Variants in FPR2 observed in about 807,000 individuals in gnomAD.
FPR2 encodes formyl peptide receptor 2.
In FPR2, 3 loss-of-function variants were observed where a neutral mutation model predicts 4.0. The observed-to-expected ratio is 0.74, with a 90% CI of 0.34 to 1.92. FPR2 has a LOEUF of 1.92. Ranked by LOEUF, FPR2 falls within the 30% of genes most tolerant of loss-of-function variation. The pLI is 0.07. For synonymous variants in FPR2, 179 were observed against 171.5 expected (o/e 1.04, Z -0.34); for missense variants, 372 against 435.7 (o/e 0.85, Z 1.30).
chr19:51,765,720 T>C (rs1015498829), intron 1 of FPR2, among the ~76,000 whole-genome samples: 2 of 152,186 alleles, frequency 1.3e-5, no homozygotes, highest in Non-Finnish European at 2.9e-5. Flanking sequence ...GAGTTCCCAT[T>C]TGTCATAGAT....
intron 1 of FPR2, among the ~76,000 whole-genome samples, chr19:51,766,254 T>C (rs933356884): frequency 1.6e-4 from 24 of 152,132 alleles, no homozygotes; most frequent in African/African-American, 5.3e-4. Context: ...TGACTCTCAA[T>C]TGGGGGTGAC....
At chr19:51,762,885 T>C (rs939110316) in intron 1 of FPR2, 3 of 152,194 alleles carry the variant, frequency 2.0e-5, no homozygotes, top group African/African-American at 7.2e-5. Flanking sequence ...ATAGAATTAA[T>C]AGGACTTGGA....
intron 1 of FPR2, among the ~76,000 whole-genome samples, chr19:51,767,114 C>T (rs2083872554): frequency 6.6e-6 from 1 of 152,122 alleles, no homozygotes; most frequent in Non-Finnish European, 1.5e-5. Context: ...CCCAGTGTTC[C>T]CCTCTTTGTG....
rs141802714 is a variant in FPR2 at position 51,763,102 on chromosome 19, C to T, written c.-15+1872C>T. 39 of 152,130 alleles carry T rather than the reference C, an allele frequency of 2.6e-4. No individual in the cohort carries two copies. In the East Asian group the frequency reaches 7.0e-3, roughly 27 times the overall value. The allele number at this position is 152,130 out of a possible 1,614,324, so 9.4% of individuals were successfully genotyped here. A position where few individuals can be genotyped will look rare whatever the true frequency, so the allele number is the denominator to read the frequency against. On this transcript the variant is annotated intron_variant, in intron 1 of 1. Coordinates refer to ENST00000340023, the MANE Select transcript of FPR2 (RefSeq NM_001005738.2). ...GAGAGGTTATATCAGACTGGAGCAC[C>T]AGAGAGAGGCCAAGGCTGATAGTTT...
chr19:51,769,629 C>T lies in FPR2; in HGVS notation c.971C>T (p.Ala324Val). The change falls in exon 2 of 2, where the codon GCC becomes GTC. Residue 324 changes from alanine (A) to valine (V), a missense_variant. Physicochemically the swap from Ala to Val is moderately conservative, Grantham distance 64 (BLOSUM62 0). Coordinates refer to ENST00000340023, the MANE Select transcript of FPR2 (RefSeq NM_001005738.2). The surrounding 1 kb of genome is among the most constrained non-coding windows in gnomAD (Gnocchi z 4.4). ...IHSLPTSLER[A>V]LSEDSAPTND... Reference sequence around the variant, plus strand: ...TCCCTGCCCACCAGTCTGGAGAGGGCCCTGTCTGAGGACTCAGCCCCAACT... The same window carrying T: ...TCCCTGCCCACCAGTCTGGAGAGGGTCCTGTCTGAGGACTCAGCCCCAACT... 1 of 1,614,134 alleles carries T rather than the reference C, an allele frequency of 6.2e-7. No individual in the cohort carries two copies. The highest frequency in any genetic ancestry group is 8.5e-7 in the Non-Finnish European group (1 of 1,180,008).
At position 51,768,823 on chromosome 19, in the gene FPR2, G is replaced by A; in HGVS notation, c.165G>A (p.Met55Ile). The A allele has an allele frequency of 6.2e-7, 1 of 1,614,186 alleles. No homozygotes were observed. The highest frequency in any genetic ancestry group is 1.3e-5 in the African/African-American group (1 of 75,044). Residue 55 changes from methionine (M) to isoleucine (I), a missense_variant, in exon 2 of 2, where the codon ATG becomes ATA. Met to Ile is a conservative substitution (Grantham distance 10). Transcript: ENST00000340023. ...TGATCTGGGTGGCTGGATTCCGGAT[G>A]ACACGCACAGTCACCACCATCTGTT... ...GLVIWVAGFR[M>I]TRTVTTICYL...
chr19:51,768,016 A>G (rs1303909554), intron 1 of FPR2, among the ~76,000 whole-genome samples: 1 of 152,138 alleles, frequency 6.6e-6, no homozygotes, highest in Non-Finnish European at 1.5e-5. Flanking sequence ...AGAGGGTAGA[A>G]AGCAGAGATG....
Sources: allele counts gnomAD v4.1 joint callset (sites outside exome capture counted in the v4.1 genomes callset), GRCh38; gene constraint gnomAD v4.1.1; non-coding constraint Gnocchi (gnomAD v3.1); transcripts MANE v1.5; gene names NCBI Gene and HGNC (gene_info 2026-07-23, HGNC 2026-07-21).